MAP4K5: variants seen among roughly 807,000 people sequenced by gnomAD.
MAP4K5 encodes mitogen-activated protein kinase kinase kinase kinase 5, also known as MAPK/ERK kinase kinase kinase 5.
MAP4K5 carries 82 observed loss-of-function variants against 135.6 expected under a neutral mutation model. That is an observed-to-expected ratio of 0.60 (90% CI 0.51 to 0.73). The LOEUF (loss-of-function observed/expected upper bound fraction) is 0.73, where lower values mean the gene tolerates loss of function less well. Among genes scored for constraint, MAP4K5 ranks in the 30% least tolerant of loss-of-function variants. MAP4K5 has a pLI of 0.00. For synonymous variants in MAP4K5, 347 were observed against 335.0 expected (o/e 1.04, Z -0.39); for missense variants, 907 against 1,010.9 (o/e 0.90, Z 1.39).
At chr14:50,432,106 A>T (rs1478676609) in intron 28 of MAP4K5, among the ~76,000 whole-genome samples, 1 of 152,226 alleles carries the variant, frequency 6.6e-6, no homozygotes, top group Non-Finnish European at 1.5e-5. Context: ...CATTCAACAG[A>T]TATTTACTGA....
chr14:50,452,806 C>G (rs2036519984), intron 14 of MAP4K5, among the ~76,000 whole-genome samples: 1 of 152,224 alleles, frequency 6.6e-6, no homozygotes, highest in African/African-American at 2.4e-5. Flanking sequence ...AGGAATCCTT[C>G]TGAAGCAGAT....
intron 13 of MAP4K5, among the ~76,000 whole-genome samples, chr14:50,459,019 C>T (rs558058613): frequency 4.1e-4 from 62 of 152,268 alleles, no homozygotes; most frequent in African/African-American, 1.4e-3. Context: ...CTGTGTTGCC[C>T]AGGTTGGTCT....
At chr14:50,522,504 T>C (rs1050293083) in intron 2 of MAP4K5, among the ~76,000 whole-genome samples, 10 of 152,122 alleles carry the variant, frequency 6.6e-5, no homozygotes, top group East Asian at 1.9e-4. Context: ...ACTTTTAAAA[T>C]AGTAAATATC....
chr14:50,485,690 A>G (rs778609588), intron 4 of MAP4K5, 48 bp from the exon 5 acceptor site: 1 of 1,146,386 alleles, frequency 8.7e-7, no homozygotes, highest in Non-Finnish European at 1.3e-6. Context: ...ATTTTCAATC[A>G]CTGAAATACT....
intron 30 of MAP4K5, among the ~76,000 whole-genome samples, chr14:50,426,531 C>A (rs767742881): frequency 1.3e-5 from 2 of 152,242 alleles, no homozygotes; most frequent in Middle Eastern, 3.4e-3. Context: ...TGGAGACCAG[C>A]CTGACCAGTA....
intron 1 of MAP4K5, among the ~76,000 whole-genome samples, chr14:50,554,492 G>A (rs2038741316): frequency 6.6e-6 from 1 of 152,286 alleles, no homozygotes; most frequent in South Asian, 2.1e-4. Flanking sequence ...TGGGGAATGG[G>A]GTGGATTGTA....
intron 14 of MAP4K5, 181 bp downstream of exon 14, chr14:50,456,335 T>G: frequency 1.8e-6 from 1 of 556,038 alleles, no homozygotes; most frequent in South Asian, 2.3e-5. Flanking sequence ...TAAAAATTAT[T>G]CAGAAATTAC....
intron 13 of MAP4K5, among the ~76,000 whole-genome samples, chr14:50,461,305 AG>A (rs1438402650): frequency 6.6e-6 from 1 of 152,142 alleles, no homozygotes; most frequent in African/African-American, 2.4e-5. Context: ...CTGGGATTAC[AG>A]GTGTGAGCCA....
chr14:50,518,905 G>A (rs1595540469), intron 2 of MAP4K5, among the ~76,000 whole-genome samples: 1 of 152,200 alleles, frequency 6.6e-6, no homozygotes, highest in East Asian at 1.9e-4. Context: ...TTGTTGATGG[G>A]TGCAAATTTT....
chr14:50,541,810 G>A (rs182501584), intron 2 of MAP4K5, among the ~76,000 whole-genome samples: 1 of 151,784 alleles, frequency 6.6e-6, no homozygotes, highest in Admixed American at 6.6e-5. Context: ...CACGAGGTCA[G>A]GAGATTGAGA....
At chr14:50,462,307 G>T (rs1391742874) in intron 13 of MAP4K5, among the ~76,000 whole-genome samples, 1 of 152,086 alleles carries the variant, frequency 6.6e-6, no homozygotes. Context: ...TAGAGATAAG[G>T]GCAATCACTA....
chr14:50,509,990 T>C (rs72679515), intron 2 of MAP4K5, among the ~76,000 whole-genome samples: 3 of 152,312 alleles, frequency 2.0e-5, no homozygotes, highest in Non-Finnish European at 2.9e-5. Context: ...TTCAAGATTA[T>C]ACATTTCAGG....
chr14:50,451,274 C>T (rs2036478962), intron 14 of MAP4K5, among the ~76,000 whole-genome samples: 2 of 151,920 alleles, frequency 1.3e-5, no homozygotes, highest in Non-Finnish European at 2.9e-5. Context: ...AAAAAACTTA[C>T]GTGTGGATAC....
intron 1 of MAP4K5, among the ~76,000 whole-genome samples, chr14:50,555,441 C>T (rs559107358): frequency 2.0e-5 from 3 of 152,196 alleles, no homozygotes; most frequent in Admixed American, 6.5e-5. Flanking sequence ...GCCACCCGTC[C>T]CGGCTAATTT....
chr14:50,433,505 C>T (rs1445503320), intron 28 of MAP4K5, among the ~76,000 whole-genome samples: 1 of 152,150 alleles, frequency 6.6e-6, no homozygotes, highest in East Asian at 1.9e-4. Flanking sequence ...AGACATTTAC[C>T]AGGGTATCAC....
chr14:50,508,568 G>C (rs1335089391), intron 2 of MAP4K5, among the ~76,000 whole-genome samples: 1 of 152,086 alleles, frequency 6.6e-6, no homozygotes, highest in Non-Finnish European at 1.5e-5. Flanking sequence ...GCCTGTCGTG[G>C]GGTGGGGGGA....
chr14:50,531,893 C>T (rs2038398292), intron 2 of MAP4K5, 49 bp downstream of exon 2: 2 of 1,319,374 alleles, frequency 1.5e-6, no homozygotes, highest in African/African-American at 1.5e-5. Flanking sequence ...TGGCCCCATT[C>T]CCGGGACCCA....
Position 50,462,789 on chromosome 14 carries a change from AC to A in MAP4K5, c.820-9del, listed in dbSNP as rs771377417. 20 of 1,552,736 alleles carry A rather than the reference AC, an allele frequency of 1.3e-5. No individual in the cohort carries two copies. The Admixed American group carries it at 3.4e-4, about 26-fold the overall frequency. On this transcript the variant is annotated splice_polypyrimidine_tract_variant and intron_variant, in intron 12 of 32. Coordinates refer to ENST00000682126, the MANE Select transcript of MAP4K5 (RefSeq NM_006575.6). ...CTGTGCAACAAAAGTGTGCTAAAAGACAACAAAATGAAATTTCATGAGTATG... is the reference window on the plus strand; with the variant it reads ...CTGTGCAACAAAAGTGTGCTAAAAGAAACAAAATGAAATTTCATGAGTATG...
chr14:50,477,544 G>C (rs2037129391), intron 6 of MAP4K5, among the ~76,000 whole-genome samples: 1 of 152,134 alleles, frequency 6.6e-6, no homozygotes, highest in African/African-American at 2.4e-5. Context: ...TCATCACCCT[G>C]TTTGGGTGAG....
Sources: allele counts gnomAD v4.1 joint callset (sites outside exome capture counted in the v4.1 genomes callset), GRCh38; gene constraint gnomAD v4.1.1; transcripts MANE v1.5; gene names NCBI Gene and HGNC (gene_info 2026-07-23, HGNC 2026-07-21).